KLF12: variants seen among roughly 807,000 people sequenced by gnomAD.
KLF12 encodes Krueppel-like factor 12.
Under a neutral mutation model 37.8 loss-of-function variants are expected in KLF12, and 9 were observed. The ratio of observed to expected loss-of-function variants is 0.24; its 90% confidence interval spans 0.14 to 0.42. KLF12 has a LOEUF of 0.42. KLF12 is among the 10% of genes least tolerant of loss of function. The pLI, the probability that KLF12 is intolerant of heterozygous loss-of-function variation, is 1.00. For synonymous variants in KLF12, 208 were observed against 202.1 expected, an observed-to-expected ratio of 1.03 and a Z score of -0.25; for missense variants, 411 against 516.0, an observed-to-expected ratio of 0.80 and a Z score of 1.97.
At chr13:73,865,716 T>G (rs549338290) in intron 3 of KLF12, among the ~76,000 whole-genome samples, 3 of 152,252 alleles carry the variant, frequency 2.0e-5, no homozygotes, top group African/African-American at 7.2e-5. Context: ...TTATCCAACA[T>G]GTACTTTAAA....
Position 73,952,467 on chromosome 13 carries a change from T to C in KLF12, c.34-8397A>G, listed in dbSNP as rs573780694. Among the ~76,000 whole-genome samples, 4 of 152,250 alleles carry C rather than the reference T, an allele frequency of 2.6e-5. No individual in the cohort carries two copies. The South Asian group carries it at 8.3e-4, about 32-fold the overall frequency. On this transcript the variant is annotated intron_variant, in intron 2 of 7. Transcript: ENST00000377669. Reference sequence around the variant, plus strand: ...CAGTAGGGCAGTGGTGCTAAATCATTAGAAACTGCCCCCATGATCCAATCA... The same window carrying C: ...CAGTAGGGCAGTGGTGCTAAATCATCAGAAACTGCCCCCATGATCCAATCA...
At chr13:73,840,099 C>T (rs2138645297) in intron 4 of KLF12, among the ~76,000 whole-genome samples, 1 of 152,298 alleles carries the variant, frequency 6.6e-6, no homozygotes, top group South Asian at 2.1e-4. Flanking sequence ...AGGTCAGTGT[C>T]AACGATGAAC....
the KLF12 span, among the ~76,000 whole-genome samples, chr13:74,219,973 A>G: frequency 6.6e-6 from 1 of 152,086 alleles, no homozygotes; most frequent in African/African-American, 2.4e-5. Context: ...TTAAAAGTCT[A>G]ATGTGTTTAA....
intron 1 of KLF12, among the ~76,000 whole-genome samples, chr13:74,052,560 C>T (rs1016116083): frequency 6.6e-6 from 1 of 152,082 alleles, no homozygotes; most frequent in African/African-American, 2.4e-5. Flanking sequence ...CCCAGCCCAG[C>T]GCCACACTCC....
At chr13:73,806,666 A>T (rs1269277576) in intron 5 of KLF12, among the ~76,000 whole-genome samples, 1 of 150,350 alleles carries the variant, frequency 6.7e-6, no homozygotes, top group Non-Finnish European at 1.5e-5. Context: ...AAAAAAAAAG[A>T]AAGAAAAGAA....
upstream of KLF12, among the ~76,000 whole-genome samples, chr13:74,134,037 C>T (rs992133841): frequency 2.6e-5 from 4 of 152,132 alleles, no homozygotes; most frequent in East Asian, 5.8e-4. Flanking sequence ...TTGCGAGCCC[C>T]GGTCTAGTGT....
At chr13:73,930,079 G>A (rs1161719995) in intron 3 of KLF12, among the ~76,000 whole-genome samples, 1 of 152,176 alleles carries the variant, frequency 6.6e-6, no homozygotes, top group Non-Finnish European at 1.5e-5. Context: ...AGATTATATA[G>A]GTGCAACTGC....
intron 3 of KLF12, among the ~76,000 whole-genome samples, chr13:73,856,155 T>G (rs1885596312): frequency 1.3e-5 from 2 of 152,274 alleles, no homozygotes; most frequent in South Asian, 4.1e-4. Flanking sequence ...AGAGCCAGGC[T>G]GGGGACTTAG....
chr13:74,172,031 C>G, the KLF12 span, among the ~76,000 whole-genome samples: 1 of 152,112 alleles, frequency 6.6e-6, no homozygotes, highest in Non-Finnish European at 1.5e-5. Context: ...AGTCCATAAT[C>G]AAGCACTATA....
intron 3 of KLF12, among the ~76,000 whole-genome samples, chr13:73,892,547 C>A (rs1448222614): frequency 6.6e-6 from 1 of 151,958 alleles, no homozygotes; most frequent in Non-Finnish European, 1.5e-5. Context: ...AACAAACAAA[C>A]AAAAAACAGT....
chr13:73,837,102 G>T lies in KLF12; in HGVS notation c.670+8725C>A, dbSNP rs929077019. Among the ~76,000 whole-genome samples the T allele has an allele frequency of 2.6e-5, 4 of 152,016 alleles. No homozygotes were observed. The East Asian group carries it at 7.7e-4, about 29-fold the overall frequency. ...TAACATCTACCTTTTAAAATGATCCGTCCTGGGTATCCATACCTTCTCCTC... is the reference window on the plus strand; with the variant it reads ...TAACATCTACCTTTTAAAATGATCCTTCCTGGGTATCCATACCTTCTCCTC... On this transcript the variant is annotated intron_variant, in intron 4 of 7. Coordinates refer to ENST00000377669, the MANE Select transcript of KLF12 (RefSeq NM_007249.5).
intron 4 of KLF12, among the ~76,000 whole-genome samples, chr13:73,830,649 G>A (rs775508973): frequency 4.6e-5 from 7 of 152,112 alleles, no homozygotes; most frequent in Non-Finnish European, 8.8e-5. Flanking sequence ...AATGTTGGCC[G>A]TGTCTTTATT....
intron 4 of KLF12, among the ~76,000 whole-genome samples, chr13:73,830,510 T>C (rs1049487063): frequency 5.3e-5 from 8 of 152,320 alleles, no homozygotes; most frequent in African/African-American, 1.9e-4. Context: ...TTTCTGAACA[T>C]CTGCTATATA....
intron 5 of KLF12, among the ~76,000 whole-genome samples, chr13:73,773,375 C>T (rs74928130): frequency 1.5e-3 from 235 of 152,278 alleles, no homozygotes; most frequent in African/African-American, 5.4e-3. Context: ...TCATGACCAA[C>T]GTCAGGACAG....
chr13:74,077,676 A>C (rs1874644722), intron 1 of KLF12, among the ~76,000 whole-genome samples: 1 of 152,218 alleles, frequency 6.6e-6, no homozygotes. Flanking sequence ...AATAAACTGA[A>C]GCAGTGTTTA....
At chr13:74,036,865 A>C (rs1281014077) in intron 1 of KLF12, among the ~76,000 whole-genome samples, 1 of 152,300 alleles carries the variant, frequency 6.6e-6, no homozygotes, top group Non-Finnish European at 1.5e-5. Context: ...ACCAAGTGTA[A>C]ACTTGACCAT....
At chr13:73,971,309 A>G (rs1247499156) in intron 2 of KLF12, among the ~76,000 whole-genome samples, 1 of 152,156 alleles carries the variant, frequency 6.6e-6, no homozygotes, top group African/African-American at 2.4e-5. Context: ...GCAATCCAAA[A>G]ACATTAACTT....
At chr13:74,192,084 C>A in the KLF12 span, among the ~76,000 whole-genome samples, 557 of 151,990 alleles carry the variant, frequency 3.7e-3, 4 homozygotes, top group African/African-American at 0.013. Flanking sequence ...CAAAAGGCAG[C>A]AAACTGATGA....
chr13:73,926,073 T>C, intron 3 of KLF12, among the ~76,000 whole-genome samples: 1 of 152,208 alleles, frequency 6.6e-6, no homozygotes, highest in East Asian at 1.9e-4. Context: ...ACAAAAGATT[T>C]AGAATACTTT....
Sources: allele counts gnomAD v4.1 joint callset (sites outside exome capture counted in the v4.1 genomes callset), GRCh38; gene constraint gnomAD v4.1.1; transcripts MANE v1.5; gene names NCBI Gene and HGNC (gene_info 2026-07-23, HGNC 2026-07-21).